Variants in PTPRD observed in about 807,000 individuals in gnomAD.
The protein encoded by PTPRD is protein tyrosine phosphatase receptor type D.
A neutral mutation model predicts 214.5 loss-of-function variants in PTPRD; 34 were observed. The observed-to-expected ratio is 0.16, with a 90% CI of 0.12 to 0.21. The LOEUF is 0.21. Ranked by LOEUF, PTPRD falls within the 10% of genes least tolerant of loss-of-function variation. PTPRD has a pLI of 1.00. For missense variants in PTPRD, 2,545 were observed against 2,398.7 expected (o/e 1.06, Z -1.27); for synonymous variants, 1,128 against 845.7 (o/e 1.33, Z -5.79).
At chr9:8,462,451 G>C (rs1019555281) in intron 32 of PTPRD, among the ~76,000 whole-genome samples, 2 of 151,920 alleles carry the variant, frequency 1.3e-5, no homozygotes, top group African/African-American at 2.4e-5. Context: ...CAACTATAAA[G>C]CCTTCAAGAG....
intron 11 of PTPRD, among the ~76,000 whole-genome samples, chr9:9,006,957 C>A (rs2099473783): frequency 2.6e-5 from 4 of 152,036 alleles, no homozygotes; most frequent in Non-Finnish European, 5.9e-5. Context: ...TCTGTCCCAA[C>A]CTATAGCAAG....
At chr9:9,647,494 T>C (rs1040504099) in intron 7 of PTPRD, among the ~76,000 whole-genome samples, 1 of 152,184 alleles carries the variant, frequency 6.6e-6, no homozygotes, top group Non-Finnish European at 1.5e-5. Flanking sequence ...CCCAAGAATA[T>C]GTGTGCTTAC....
At chr9:9,603,530 C>A (rs1268489049) in intron 7 of PTPRD, among the ~76,000 whole-genome samples, 1 of 152,164 alleles carries the variant, frequency 6.6e-6, no homozygotes, top group African/African-American at 2.4e-5. Context: ...CGGAAGTGAG[C>A]AGCAGGCAAG....
At chr9:9,717,755 T>C (rs902406245) in intron 7 of PTPRD, among the ~76,000 whole-genome samples, 7 of 152,188 alleles carry the variant, frequency 4.6e-5, no homozygotes, top group African/African-American at 1.7e-4. Context: ...TGGAAGGAAT[T>C]AATCTTAGCA....
chr9:8,893,311 C>G (rs1334001793), intron 11 of PTPRD, among the ~76,000 whole-genome samples: 2 of 152,188 alleles, frequency 1.3e-5, no homozygotes, highest in East Asian at 3.9e-4. Flanking sequence ...CTTTCATTAT[C>G]AGGAGACAGA....
At chr9:10,026,886 T>G (rs558917106) in intron 4 of PTPRD, among the ~76,000 whole-genome samples, 46 of 146,590 alleles carry the variant, frequency 3.1e-4, no homozygotes, top group Non-Finnish European at 5.8e-4. Flanking sequence ...AAAAAAGACG[T>G]GAGAAGGATA....
rs71497150 is a variant in PTPRD, at chr9:9,663,643, T to C, written c.-287+70890A>G. On this transcript the variant is annotated intron_variant, in intron 7 of 45. Transcript: ENST00000381196. ...GAGCGTCATCACTGACAACTCTCTC[T>C]CCTTCCGCTTCATATCCAAATGATC... Among the ~76,000 whole-genome samples, 626 of 151,756 alleles carry C rather than the reference T, an allele frequency of 4.1e-3. 2 individuals carry two copies. The highest frequency in any genetic ancestry group is 6.9e-3 in the Non-Finnish European group (465 of 67,608).
At chr9:9,668,396 A>C (rs181117483) in intron 7 of PTPRD, among the ~76,000 whole-genome samples, 1 of 152,268 alleles carries the variant, frequency 6.6e-6, no homozygotes, top group African/African-American at 2.4e-5. Context: ...CAAAGTCTAA[A>C]TTAGGCCTGA....
intron 12 of PTPRD, among the ~76,000 whole-genome samples, chr9:8,699,968 T>C (rs964172749): frequency 2.6e-5 from 4 of 152,204 alleles, no homozygotes; most frequent in Non-Finnish European, 5.9e-5. Context: ...TCAGTAATGC[T>C]GAGAACCCAA....
chr9:9,126,907 G>T (rs116612729), intron 10 of PTPRD, among the ~76,000 whole-genome samples: 228 of 152,210 alleles, frequency 1.5e-3, no homozygotes, highest in African/African-American at 5.3e-3. Flanking sequence ...AATGCAGGTG[G>T]CTGGAGCCCA....
intron 7 of PTPRD, among the ~76,000 whole-genome samples, chr9:9,624,393 C>T (rs1468971276): frequency 6.6e-6 from 1 of 152,100 alleles, no homozygotes; most frequent in Non-Finnish European, 1.5e-5. Context: ...AGTGATTCTC[C>T]TGCCTCAGCC....
intron 39 of PTPRD, among the ~76,000 whole-genome samples, chr9:8,354,321 T>A (rs531353692): frequency 6.6e-6 from 1 of 152,276 alleles, no homozygotes; most frequent in Non-Finnish European, 1.5e-5. Context: ...AAAAACTTTA[T>A]GTAACACATT....
chr9:8,903,474 T>G (rs1158285885), intron 11 of PTPRD, among the ~76,000 whole-genome samples: 1 of 152,186 alleles, frequency 6.6e-6, no homozygotes, highest in Non-Finnish European at 1.5e-5. Context: ...TATGTCCTCC[T>G]GGAGGAGGTA....
intron 2 of PTPRD, among the ~76,000 whole-genome samples, chr9:10,564,168 A>ATTTTTTTTTTTTTTT (rs1591017043): frequency 2.5e-4 from 3 of 11,876 alleles, no homozygotes; most frequent in African/African-American, 5.4e-4. Context: ...ACACTAGGCT[A>ATTTTTTTTTTTTTTT]TTCTTTTTTT....
chr9:8,592,385 G>A (rs1354603559), intron 14 of PTPRD, among the ~76,000 whole-genome samples: 1 of 152,160 alleles, frequency 6.6e-6, no homozygotes, highest in Non-Finnish European at 1.5e-5. Context: ...ATGAACAATA[G>A]TGCATATGGC....
chr9:10,517,367 G>C (rs2050486061), intron 2 of PTPRD, among the ~76,000 whole-genome samples: 1 of 151,806 alleles, frequency 6.6e-6, no homozygotes, highest in South Asian at 2.1e-4. Flanking sequence ...TTTGCAGATA[G>C]TTTTCTGTTA....
chr9:8,561,345 C>G (rs1040753773), intron 14 of PTPRD, among the ~76,000 whole-genome samples: 12 of 152,120 alleles, frequency 7.9e-5, no homozygotes, highest in African/African-American at 2.9e-4. Flanking sequence ...ATCCTCCCAC[C>G]CCACCGCTGC....
chr9:8,789,759 G>T (rs1014589661), intron 11 of PTPRD, among the ~76,000 whole-genome samples: 2 of 152,030 alleles, frequency 1.3e-5, no homozygotes, highest in Admixed American at 1.3e-4. Context: ...ATATCGGGAG[G>T]GGGTGGAATT....
rs550705334 is a variant in PTPRD, at chr9:9,446,589, G to A, written c.-236-49107C>T. ...TGATATTTATTGAGGGCACATTATTGAGCACCCAGTCAATGTTATTGTCAA... is the reference window on the plus strand; with the variant it reads ...TGATATTTATTGAGGGCACATTATTAAGCACCCAGTCAATGTTATTGTCAA... On this transcript the variant is annotated intron_variant, in intron 8 of 45. Coordinates refer to ENST00000381196, the MANE Select transcript of PTPRD (RefSeq NM_002839.4). 5.9e-5 allele frequency among the ~76,000 whole-genome samples: 9 copies of A among 152,026 alleles called. No individual in the cohort carries two copies. In the South Asian group the frequency reaches 1.9e-3, roughly 32 times the overall value.
Sources: gnomAD v4.1 joint callset for allele counts (sites outside exome capture counted in the v4.1 genomes callset) on GRCh38, gnomAD v4.1.1 for gene constraint, MANE v1.5 for transcripts, NCBI Gene and HGNC (gene_info 2026-07-23, HGNC 2026-07-21) for gene names.